The following MARCHF1 variants were observed in gnomAD, a reference collection of about 807,000 sequenced individuals.
The protein encoded by MARCHF1 is membrane associated ring-CH-type finger 1, also known as E3 ubiquitin-protein ligase MARCHF1.
A neutral mutation model predicts 54.2 loss-of-function variants in MARCHF1; 40 were observed. The ratio of observed to expected loss-of-function variants is 0.74; its 90% CI spans 0.57 to 0.96. MARCHF1 has a LOEUF of 0.96. Ranked by LOEUF, MARCHF1 falls within the 40% of genes least tolerant of loss-of-function variation. MARCHF1 has a pLI of 0.00. For synonymous variants in MARCHF1, 236 were observed against 236.3 expected, an observed-to-expected ratio of 1.00 and a Z score of 0.01; for missense variants, 586 against 656.5, an observed-to-expected ratio of 0.89 and a Z score of 1.17.
intron 4 of MARCHF1, among the ~76,000 whole-genome samples, chr4:163,738,839 C>T (rs966231285): frequency 6.6e-6 from 1 of 152,196 alleles, no homozygotes; most frequent in Non-Finnish European, 1.5e-5. Context: ...CTACAAACTA[C>T]TTCAAACATC....
intron 5 of MARCHF1, among the ~76,000 whole-genome samples, chr4:163,664,018 T>C (rs1420666441): frequency 6.6e-6 from 1 of 151,838 alleles, no homozygotes; most frequent in African/African-American, 2.4e-5. Context: ...TTGCATTGTC[T>C]AACTGGAGGT....
intron 1 of MARCHF1, among the ~76,000 whole-genome samples, chr4:164,125,504 T>C (rs1035066288): frequency 3.3e-5 from 5 of 152,166 alleles, no homozygotes; most frequent in Non-Finnish European, 5.9e-5. Flanking sequence ...AGAGATCTTA[T>C]GAATTCCAGG....
At chr4:163,964,774 C>T (rs1398314575) in intron 3 of MARCHF1, among the ~76,000 whole-genome samples, 1 of 151,906 alleles carries the variant, frequency 6.6e-6, no homozygotes, top group Admixed American at 6.6e-5. Context: ...CTAGGATGTC[C>T]TCCAAGCACA....
chr4:163,634,323 C>T (rs915040842), intron 5 of MARCHF1, among the ~76,000 whole-genome samples: 1 of 150,352 alleles, frequency 6.7e-6, no homozygotes, highest in Non-Finnish European at 1.5e-5. Context: ...AGAGTCAAGA[C>T]CCATCAGTGT....
chr4:164,174,494 G>A (rs1207347865), intron 1 of MARCHF1, among the ~76,000 whole-genome samples: 1 of 152,134 alleles, frequency 6.6e-6, no homozygotes, highest in South Asian at 2.1e-4. Context: ...AGGACTGCAG[G>A]GTGATTGTGG....
At chr4:163,910,652 G>A (rs1265443856) in intron 3 of MARCHF1, among the ~76,000 whole-genome samples, 1 of 152,032 alleles carries the variant, frequency 6.6e-6, no homozygotes, top group Non-Finnish European at 1.5e-5. Context: ...CCACCACCAT[G>A]CCCAGCTAAT....
At chr4:164,346,631 T>C (rs1169314826) in intron 1 of MARCHF1, among the ~76,000 whole-genome samples, 1 of 13,946 alleles carries the variant, frequency 7.2e-5, no homozygotes, top group African/African-American at 2.6e-4. Context: ...TATATATATA[T>C]ATATATATAT....
intron 3 of MARCHF1, among the ~76,000 whole-genome samples, chr4:163,965,699 A>G (rs1752429376): frequency 6.6e-6 from 1 of 152,118 alleles, no homozygotes; most frequent in Non-Finnish European, 1.5e-5. Context: ...TGAGAAGATT[A>G]TAACACTGTA....
At chr4:163,687,616 G>A (rs931313369) in intron 5 of MARCHF1, among the ~76,000 whole-genome samples, 1 of 152,108 alleles carries the variant, frequency 6.6e-6, no homozygotes. Context: ...AAAATAAAGA[G>A]CCATTAAGTC....
chr4:163,734,017 A>C (rs1745959213), intron 4 of MARCHF1, among the ~76,000 whole-genome samples: 1 of 152,238 alleles, frequency 6.6e-6, no homozygotes, highest in Non-Finnish European at 1.5e-5. Flanking sequence ...CTCATCACCA[A>C]GAAGACATAC....
intron 3 of MARCHF1, among the ~76,000 whole-genome samples, chr4:163,983,920 T>G (rs1038974150): frequency 4.0e-5 from 6 of 150,476 alleles, no homozygotes; most frequent in African/African-American, 1.5e-4. Flanking sequence ...ACTAAATATG[T>G]TTTTTTAACT....
At chr4:163,904,278 C>A (rs143439606) in intron 3 of MARCHF1, among the ~76,000 whole-genome samples, 3 of 152,156 alleles carry the variant, frequency 2.0e-5, no homozygotes, top group African/African-American at 7.2e-5. Context: ...GAACAACTTC[C>A]AGTTAATCTG....
At chr4:164,307,223 G>A (rs1734719338) in intron 1 of MARCHF1, among the ~76,000 whole-genome samples, 1 of 152,060 alleles carries the variant, frequency 6.6e-6, no homozygotes, top group Admixed American at 6.6e-5. Flanking sequence ...AAAGAATAGG[G>A]GAAAACAGAC....
intron 2 of MARCHF1, among the ~76,000 whole-genome samples, chr4:164,098,330 A>G (rs13104793): frequency 0.045 from 6,918 of 152,274 alleles, 214 homozygotes; most frequent in Middle Eastern, 0.14. Flanking sequence ...TTCTAAATCT[A>G]ATGGTTCCAG....
At chr4:164,284,375 G>T (rs1734096879) in intron 1 of MARCHF1, among the ~76,000 whole-genome samples, 1 of 149,760 alleles carries the variant, frequency 6.7e-6, no homozygotes, top group South Asian at 2.1e-4. Flanking sequence ...AGAACAAGCT[G>T]GTCTGGCTCA....
chr4:163,901,139 G>T (rs933857252), intron 3 of MARCHF1, among the ~76,000 whole-genome samples: 1 of 152,064 alleles, frequency 6.6e-6, no homozygotes, highest in Non-Finnish European at 1.5e-5. Context: ...AGACAATCTG[G>T]GTTTAGATTC....
At chr4:164,310,920 GAAAC>G (rs1734832941) in intron 1 of MARCHF1, among the ~76,000 whole-genome samples, 1 of 152,082 alleles carries the variant, frequency 6.6e-6, no homozygotes. Context: ...ATTAAAAACT[GAAAC>G]AAACTCAATT....
intron 1 of MARCHF1, among the ~76,000 whole-genome samples, chr4:164,143,698 A>T (rs559820503): frequency 1.3e-5 from 2 of 152,198 alleles, no homozygotes; most frequent in African/African-American, 2.4e-5. Flanking sequence ...GGAACAACCG[A>T]TACCAGCCGC....
At chr4:163,749,873 C>T (rs1011646099) in intron 4 of MARCHF1, among the ~76,000 whole-genome samples, 10 of 151,342 alleles carry the variant, frequency 6.6e-5, no homozygotes, top group African/African-American at 1.9e-4. Flanking sequence ...ACCAGCCAGA[C>T]TGACATTGTG....
Sources: gnomAD v4.1 joint callset for allele counts (sites outside exome capture counted in the v4.1 genomes callset) on GRCh38, gnomAD v4.1.1 for gene constraint, MANE v1.5 for transcripts, NCBI Gene and HGNC (gene_info 2026-07-23, HGNC 2026-07-21) for gene names.